The following TACR3 variants were observed in gnomAD, a reference collection of about 807,000 sequenced individuals.
The protein encoded by TACR3 is neuromedin-K receptor.
Under a neutral mutation model 35.0 loss-of-function variants are expected in TACR3, and 34 were observed. The ratio of observed to expected loss-of-function variants is 0.97; its 90% CI spans 0.74 to 1.30. The LOEUF (loss-of-function observed/expected upper bound fraction) is 1.30. Among genes scored for constraint, TACR3 ranks in the 50% most tolerant of loss-of-function variants. The probability of loss-of-function intolerance (pLI) is 0.00; values close to 1 mark genes in which losing one functional copy is unlikely to be tolerated. For missense variants in TACR3, 558 were observed against 591.7 expected, an observed-to-expected ratio of 0.94 and a Z score of 0.59; for synonymous variants, 233 against 221.1, an observed-to-expected ratio of 1.05 and a Z score of -0.48.
At chr4:103,665,413 A>G (rs1487244362) in intron 1 of TACR3, among the ~76,000 whole-genome samples, 5 of 152,096 alleles carry the variant, frequency 3.3e-5, no homozygotes, top group Admixed American at 2.0e-4. Context: ...GAGGGAAATT[A>G]TATTTAAAAC....
rs1723788332 is a variant in TACR3 at position 103,587,368 on chromosome 4, C to T, written c.*2314G>A. On this transcript the variant is annotated 3_prime_UTR_variant, in exon 5 of 5. Coordinates refer to ENST00000304883, the MANE Select transcript of TACR3 (RefSeq NM_001059.3). ...ATGATGCCAGTTTTTTTCTGGAAAG[C>T]ATTGAAAAAATACTGTCTGGGTATT... The T allele has an allele frequency of 6.6e-6, 1 of 151,932 alleles. No homozygotes were observed. The highest frequency in any genetic ancestry group is 6.6e-5 in the Admixed American group (1 of 15,238). The allele number at this position is 151,932 out of a possible 1,614,324, so 9.4% of individuals were successfully genotyped here.
At position 103,689,437 on chromosome 4, in the gene TACR3, TAA is replaced by T. The variant is rs1426220702; in HGVS notation, c.548+29689_548+29690del. On this transcript the variant is annotated intron_variant, in intron 1 of 4. Coordinates refer to ENST00000304883, the MANE Select transcript of TACR3 (RefSeq NM_001059.3). ...AGAAAAGCTTTTTAAAAATTAATAGTAAACCAATAATGCAATGATTCATCAAA... is the reference window on the plus strand; with the variant it reads ...AGAAAAGCTTTTTAAAAATTAATAGTACCAATAATGCAATGATTCATCAAA... Among the ~76,000 whole-genome samples, 9 of 152,134 alleles carry T rather than the reference TAA, an allele frequency of 5.9e-5. No homozygotes were observed. The East Asian group carries it at 1.7e-3, about 29-fold the overall frequency.
chr4:103,607,379 G>A (rs1201280456), intron 3 of TACR3, among the ~76,000 whole-genome samples: 1 of 151,826 alleles, frequency 6.6e-6, no homozygotes, highest in African/African-American at 2.4e-5. Context: ...TTGAATTGCA[G>A]GAAGCATTAT....
intron 1 of TACR3, among the ~76,000 whole-genome samples, chr4:103,714,071 C>G (rs73838913): frequency 0.16 from 23,930 of 152,024 alleles, 2,391 homozygotes; most frequent in East Asian, 0.37. Context: ...GCAAATGATA[C>G]TTTCATGCTT....
In TACR3 at chr4:103,637,407, C is replaced by G. The variant is rs184343082; in HGVS notation, c.888+18787G>C. 3.6e-3 allele frequency among the ~76,000 whole-genome samples: 541 copies of G among 152,208 alleles called. 3 individuals carry two copies. Among genetic ancestry groups the G allele is most frequent in the Non-Finnish European group, 5.5e-3 (374 of 68,012 alleles). ...TCAGCAACCCTTCATGCTAAAAACT[C>G]TCAATAAATTAGGTATTGATGGGAC... On this transcript the variant is annotated intron_variant, in intron 3 of 4. Transcript: ENST00000304883.
rs980260145 is a variant in TACR3 at position 103,719,868 on chromosome 4, C to G, written c.-193G>C. The G allele has an allele frequency of 1.5e-6, 1 of 669,918 alleles. No individual in the cohort carries two copies. The highest frequency in any genetic ancestry group is 2.5e-6 in the Non-Finnish European group (1 of 400,786). The allele number at this position is 669,918 out of a possible 1,614,324, so 41.5% of individuals were successfully genotyped here. A position where few individuals can be genotyped will look rare whatever the true frequency, so the allele number is the denominator to read the frequency against. On this transcript the variant is annotated 5_prime_UTR_variant, in exon 1 of 5. Transcript: ENST00000304883. ...GGCTAAGGGGCAACAGCTGCACTTT[C>G]TCAGAGGCGCTTGCGGCTCTGGCAG...
intron 1 of TACR3, among the ~76,000 whole-genome samples, chr4:103,707,792 C>T (rs1722829769): frequency 6.6e-6 from 1 of 152,126 alleles, no homozygotes; most frequent in Non-Finnish European, 1.5e-5. Context: ...AAAATTGGGT[C>T]ACTCCCACCC....
In TACR3 at chr4:103,614,882, G is replaced by GTTTTT. The variant is rs1325226834; in HGVS notation, c.889-23200_889-23199insAAAAA. On this transcript the variant is annotated intron_variant, in intron 3 of 4. Transcript: ENST00000304883. The stretch of plus-strand genomic sequence containing the variant: ...ACTATAACCTAAGTTGATTATGAAT[G>GTTTTT]TGTTTTTTTTTTTTTTTTTTTTTTT... Among the ~76,000 whole-genome samples the GTTTTT allele has an allele frequency of 4.4e-4, 40 of 90,868 alleles. No individual in the cohort carries two copies. The East Asian group carries it at 4.9e-3, about 11-fold the overall frequency. 59.6% of individuals were successfully genotyped at this position (90,868 alleles called of 152,430 possible). A position where few individuals can be genotyped will look rare whatever the true frequency, so the allele number is the denominator to read the frequency against.
At chr4:103,675,923 C>T (rs967899687) in intron 1 of TACR3, among the ~76,000 whole-genome samples, 9 of 151,958 alleles carry the variant, frequency 5.9e-5, no homozygotes, top group Admixed American at 6.6e-5. Context: ...GAAATTATCC[C>T]TCTTGCTCAT....
In TACR3 at chr4:103,660,703, TTA is replaced by T. The variant is rs1340701333; in HGVS notation, c.549-2302_549-2301del. Among the ~76,000 whole-genome samples the T allele has an allele frequency of 4.6e-5, 7 of 151,790 alleles. No homozygotes were observed. The East Asian group carries it at 1.4e-3, about 29-fold the overall frequency. ...TATATCAAGTATACCTCAATAAAGC[TTA>T]CAGAAAGAGAAAAGAAAAAGTAGTG... is the stretch of plus-strand genomic sequence containing the variant. On this transcript the variant is annotated intron_variant, in intron 1 of 4. Coordinates refer to ENST00000304883, the MANE Select transcript of TACR3 (RefSeq NM_001059.3).
intron 1 of TACR3, among the ~76,000 whole-genome samples, chr4:103,710,808 A>G (rs1722930567): frequency 6.6e-6 from 1 of 152,178 alleles, no homozygotes; most frequent in Non-Finnish European, 1.5e-5. Flanking sequence ...GATAAAGGGG[A>G]TATCACCACT....
At chr4:103,688,654 ACCATCACTGG>A (rs1205256541) in intron 1 of TACR3, among the ~76,000 whole-genome samples, 1 of 151,102 alleles carries the variant, frequency 6.6e-6, no homozygotes, top group Non-Finnish European at 1.5e-5. Context: ...AAAAATGCTC[ACCATCACTGG>A]CCATCAGAGA....
At chr4:103,628,124 T>TCTC (rs778281041) in intron 3 of TACR3, among the ~76,000 whole-genome samples, 34 of 152,176 alleles carry the variant, frequency 2.2e-4, no homozygotes, top group South Asian at 6.2e-4. Context: ...GGTACCAGAA[T>TCTC]CTCTGGGACA....
intron 1 of TACR3, among the ~76,000 whole-genome samples, chr4:103,701,468 T>C (rs1427648618): frequency 2.6e-5 from 4 of 152,060 alleles, no homozygotes; most frequent in African/African-American, 4.8e-5. Context: ...AAAATGGCCA[T>C]ACTGCCCAAG....
rs1338583641 is a variant in TACR3 at position 103,589,838 on chromosome 4, G to T, written c.1242C>A (p.Asp414Glu). Residue 414 changes from aspartate to glutamate, a missense_variant, in exon 5 of 5, where the codon GAC (aspartate) becomes GAA (glutamate). By Grantham distance (45) the Asp-to-Glu change is conservative. Transcript: ENST00000304883. Reference sequence around the variant, plus strand: ...ACCTGGTGGTGTCTGCATCGTTGGGGTCAAACACGACTGTCATGGACTCCA... The same window carrying T: ...ACCTGGTGGTGTCTGCATCGTTGGGTTCAAACACGACTGTCATGGACTCCA... Reference protein sequence around the residue: ...TRMESMTVVFDPNDADTTRSS... With the variant: ...TRMESMTVVFEPNDADTTRSS... 6.2e-7 allele frequency: 1 copy of T among 1,613,920 alleles called. No homozygotes were observed. Among genetic ancestry groups the T allele is most frequent in the South Asian group, 1.1e-5 (1 of 91,084 alleles).
chr4:103,631,223 T>C (rs1449051363), intron 3 of TACR3, among the ~76,000 whole-genome samples: 1 of 152,080 alleles, frequency 6.6e-6, no homozygotes, highest in African/African-American at 2.4e-5. Context: ...AAATACCTAA[T>C]GTAAATGACG....
At chr4:103,640,804 C>A (rs1725340041) in intron 3 of TACR3, among the ~76,000 whole-genome samples, 1 of 151,626 alleles carries the variant, frequency 6.6e-6, no homozygotes, top group African/African-American at 2.4e-5. Context: ...TTATGTGTGG[C>A]CCAAGACAAT....
chr4:103,601,814 T>G (rs1724209425), intron 3 of TACR3, among the ~76,000 whole-genome samples: 1 of 152,238 alleles, frequency 6.6e-6, no homozygotes, highest in Admixed American at 6.5e-5. Flanking sequence ...TGGCTGCGCT[T>G]AACATTTTTT....
chr4:103,607,797 C>A (rs768505321), intron 3 of TACR3, among the ~76,000 whole-genome samples: 1 of 151,964 alleles, frequency 6.6e-6, no homozygotes, highest in Admixed American at 6.6e-5. Flanking sequence ...CAGATAGAGA[C>A]AAAGGGCTGG....
Sources: allele counts gnomAD v4.1 joint callset (sites outside exome capture counted in the v4.1 genomes callset), GRCh38; gene constraint gnomAD v4.1.1; transcripts MANE v1.5; gene names NCBI Gene and HGNC (gene_info 2026-07-23, HGNC 2026-07-21).